TSPEAR: variants seen among roughly 807,000 people sequenced by gnomAD.
The protein encoded by TSPEAR is thrombospondin type laminin G domain and EAR repeats, also known as thrombospondin-type laminin G domain and EAR repeat-containing protein.
TSPEAR carries 69 observed loss-of-function variants against 71.6 expected under a neutral mutation model. That is an observed-to-expected ratio of 0.96 (90% confidence interval 0.79 to 1.18). The LOEUF (loss-of-function observed/expected upper bound fraction) is 1.18, where lower values mean the gene tolerates loss of function less well. Ranked by LOEUF, TSPEAR falls within the 50% of genes most tolerant of loss-of-function variation. The pLI, the probability that TSPEAR is intolerant of heterozygous loss-of-function variation, is 0.00. For missense variants in TSPEAR, 971 were observed against 894.9 expected (o/e 1.09, Z -1.09); for synonymous variants, 402 against 387.2 (o/e 1.04, Z -0.45).
intron 2 of TSPEAR, among the ~76,000 whole-genome samples, chr21:44,565,370 G>A (rs1242396820): frequency 6.6e-6 from 1 of 152,138 alleles, no homozygotes; most frequent in Non-Finnish European, 1.5e-5. Context: ...TATGAGGCTA[G>A]TATTAGTCTC....
chr21:44,583,656 G>A (rs1240798907), intron 1 of TSPEAR, among the ~76,000 whole-genome samples: 1 of 151,976 alleles, frequency 6.6e-6, no homozygotes, highest in East Asian at 1.9e-4. Context: ...TATAGTTAAT[G>A]ATACCCTTTG....
chr21:44,552,304 G>C (rs1263865708), intron 2 of TSPEAR, among the ~76,000 whole-genome samples: 1 of 152,188 alleles, frequency 6.6e-6, no homozygotes, highest in Non-Finnish European at 1.5e-5. Context: ...AGGCAGGACA[G>C]GCCCTGACCC....
chr21:44,676,644 C>G, intron 1 of TSPEAR: 1 of 767,496 alleles, frequency 1.3e-6, no homozygotes, highest in Non-Finnish European at 2.4e-6. Flanking sequence ...GTTCTTGAAC[C>G]CTAAGGACAT....
In TSPEAR at chr21:44,535,896, C is replaced by CAAAAAAAAAA. The variant is rs10712664; in HGVS notation, c.304-1983_304-1974dup. Reference sequence around the variant, plus strand: ...CAGAAGGATCAATTTCTATGTTTATCAAAAAAAAAAAAAGGAAAAAAGAAA... The same window carrying CAAAAAAAAAA: ...CAGAAGGATCAATTTCTATGTTTATCAAAAAAAAAAAAAAAAAAAAAAAGGAAAAAAGAAA... On this transcript the variant is annotated intron_variant, in intron 2 of 11. Transcript: ENST00000323084. Among the ~76,000 whole-genome samples, 13 of 136,900 alleles carry CAAAAAAAAAA rather than the reference C, an allele frequency of 9.5e-5. 2 individuals carry two copies. The highest frequency in any genetic ancestry group is 3.6e-4 in the African/African-American group (13 of 36,490). 89.8% of individuals were successfully genotyped at this position (136,900 alleles called of 152,430 possible).
intron 2 of TSPEAR, among the ~76,000 whole-genome samples, chr21:44,554,001 A>G (rs1198134748): frequency 6.6e-6 from 1 of 152,258 alleles, no homozygotes; most frequent in Non-Finnish European, 1.5e-5. Context: ...TACTCCACCC[A>G]GGTATCCCTC....
At chr21:44,609,634 A>G in intron 1 of TSPEAR, among the ~76,000 whole-genome samples, 1 of 152,252 alleles carries the variant, frequency 6.6e-6, no homozygotes, top group Non-Finnish European at 1.5e-5. Context: ...AGATTGTTAT[A>G]TTTGAACCTC....
intron 1 of TSPEAR, among the ~76,000 whole-genome samples, chr21:44,705,648 G>C (rs1569270744): frequency 6.6e-6 from 1 of 152,134 alleles, no homozygotes; most frequent in Non-Finnish European, 1.5e-5. Flanking sequence ...GCACTCCCAG[G>C]CTTATTAGGA....
intron 2 of TSPEAR, among the ~76,000 whole-genome samples, chr21:44,544,241 A>G (rs1006693541): frequency 6.6e-6 from 1 of 152,204 alleles, no homozygotes; most frequent in African/African-American, 2.4e-5. Flanking sequence ...ATGGCAAAAT[A>G]CTAAACACTG....
chr21:44,556,415 G>A (rs868948255), intron 2 of TSPEAR, among the ~76,000 whole-genome samples: 7 of 151,852 alleles, frequency 4.6e-5, no homozygotes, highest in Middle Eastern at 3.4e-3. Flanking sequence ...CCAAAAGACC[G>A]GGTGCAGTGG....
intron 1 of TSPEAR, among the ~76,000 whole-genome samples, chr21:44,594,813 G>A (rs990067697): frequency 2.7e-4 from 37 of 139,172 alleles, no homozygotes; most frequent in African/African-American, 8.4e-4. Context: ...CCAAACTTAC[G>A]GATCTGTGAT....
At chr21:44,511,227 CACCTGCACACACAGGCCCAT>C (rs1165699251) in intron 9 of TSPEAR, among the ~76,000 whole-genome samples, 5 of 149,162 alleles carry the variant, frequency 3.4e-5, no homozygotes, top group East Asian at 1.9e-4. Flanking sequence ...TGCCTGCACA[CACCTGCACACACAGGCCCAT>C]ACCTGCACAC....
In TSPEAR at chr21:44,637,718, G is replaced by A. The variant is rs114397261; in HGVS notation, c.83-69713C>T. ...GGCCTGCTGTGTGCCTGTCTGCTGT[G>A]TGCCCGTCTGCTGCGTGCCCGTCTG... On this transcript the variant is annotated intron_variant, in intron 1 of 11. Transcript: ENST00000323084. The A allele has an allele frequency of 0.014, 16,932 of 1,236,392 alleles. 1,277 individuals are homozygous for A. In the African/African-American group the frequency reaches 0.22, roughly 16 times the overall value. 76.6% of individuals were successfully genotyped at this position (1,236,392 alleles called of 1,614,324 possible).
At position 44,650,103 on chromosome 21, in the gene TSPEAR, T is replaced by G. The variant is rs918700565; in HGVS notation, c.82+61330A>C. Among the ~76,000 whole-genome samples, 7 of 151,976 alleles carry G rather than the reference T, an allele frequency of 4.6e-5. No homozygotes were observed. The East Asian group carries it at 1.4e-3, about 29-fold the overall frequency. ...AGCTGAACATGGTGGTGTGCACCTC[T>G]AGTCCCAGCTACTTTGGTGGGAAGA... is the stretch of plus-strand genomic sequence containing the variant. On this transcript the variant is annotated intron_variant, in intron 1 of 11. Transcript: ENST00000323084.
intron 1 of TSPEAR, among the ~76,000 whole-genome samples, chr21:44,683,070 G>A (rs782746931): frequency 1.3e-5 from 2 of 151,888 alleles, no homozygotes; most frequent in African/African-American, 4.8e-5. Flanking sequence ...CCTACAGCCC[G>A]GCACCAAATG....
chr21:44,639,362 G>A (rs1429002989), intron 1 of TSPEAR, among the ~76,000 whole-genome samples: 7 of 152,204 alleles, frequency 4.6e-5, no homozygotes, highest in African/African-American at 1.7e-4. Flanking sequence ...TGACCCTTGC[G>A]TGTCAATGAC....
At chr21:44,558,183 C>G in intron 2 of TSPEAR, 1 of 1,549,680 alleles carries the variant, frequency 6.5e-7, no homozygotes, top group Non-Finnish European at 8.8e-7. Flanking sequence ...GGCAGGGGCA[C>G]AGCAGGAGGG....
chr21:44,701,122 A>AT (rs1987627187), intron 1 of TSPEAR, among the ~76,000 whole-genome samples: 1 of 152,160 alleles, frequency 6.6e-6, no homozygotes, highest in Admixed American at 6.5e-5. Context: ...ATCCTTAAAC[A>AT]TTTTTTAAAC....
chr21:44,553,177 C>A (rs587641882), intron 2 of TSPEAR, among the ~76,000 whole-genome samples: 1 of 152,196 alleles, frequency 6.6e-6, no homozygotes, highest in African/African-American at 2.4e-5. Flanking sequence ...CACTGAATTT[C>A]GGCATTAACT....
At chr21:44,605,897 A>G (rs1215333357) in intron 1 of TSPEAR, among the ~76,000 whole-genome samples, 1 of 152,194 alleles carries the variant, frequency 6.6e-6, no homozygotes, top group Non-Finnish European at 1.5e-5. Flanking sequence ...CCAGGCAATT[A>G]TTCCTTGAAT....
Sources: gnomAD v4.1 joint callset for allele counts (sites outside exome capture counted in the v4.1 genomes callset) on GRCh38, gnomAD v4.1.1 for gene constraint, MANE v1.5 for transcripts, NCBI Gene and HGNC (gene_info 2026-07-23, HGNC 2026-07-21) for gene names.